The following MAMDC2 variants were observed in gnomAD, a reference collection of about 807,000 sequenced individuals.
MAMDC2 encodes the protein MAM domain containing 2, also known as MAM domain-containing protein 2.
MAMDC2 carries 57 observed loss-of-function variants against 89.8 expected under a neutral mutation model. That is an observed-to-expected ratio of 0.63 (90% CI 0.51 to 0.79). The LOEUF (loss-of-function observed/expected upper bound fraction) is 0.79. MAMDC2 is among the 30% of genes least tolerant of loss of function. MAMDC2 has a pLI of 0.00. For missense variants in MAMDC2, 800 were observed against 820.6 expected (o/e 0.97, Z 0.31); for synonymous variants, 313 against 293.4 (o/e 1.07, Z -0.68).
chr9:70,187,218 T>G (rs183990291), intron 11 of MAMDC2, among the ~76,000 whole-genome samples: 1 of 152,256 alleles, frequency 6.6e-6, no homozygotes, highest in Non-Finnish European at 1.5e-5. Context: ...TCCAATTATA[T>G]GTACATTAAA....
At chr9:70,076,954 G>A (rs1827545846) in intron 2 of MAMDC2, among the ~76,000 whole-genome samples, 1 of 152,166 alleles carries the variant, frequency 6.6e-6, no homozygotes, top group Non-Finnish European at 1.5e-5. Flanking sequence ...CTCCAGGAAG[G>A]CAGACCTTAG....
rs2117945790 is a variant in MAMDC2 at position 70,044,646 on chromosome 9, T to A, written c.97T>A (p.Cys33Ser). Residue 33 changes from cysteine to serine, a missense_variant, in exon 2 of 14, where the codon TGC (cysteine) becomes AGC (serine). Transcript: ENST00000377182. ...AGSCAFEEST[C>S]GFDSVLASLP... ...GTCCTGTGCCTTTGAAGAGAGCACT[T>A]GCGGCTTTGACTCCGTGTTGGCCTC... is the stretch of plus-strand genomic sequence containing the variant. 1 of 1,551,622 alleles carries A rather than the reference T, an allele frequency of 6.4e-7. No individual in the cohort carries two copies. The highest frequency in any genetic ancestry group is 2.4e-5 in the East Asian group (1 of 40,902).
intron 2 of MAMDC2, among the ~76,000 whole-genome samples, chr9:70,059,335 C>T (rs945201787): frequency 4.6e-5 from 7 of 152,244 alleles, no homozygotes; most frequent in African/African-American, 1.7e-4. Context: ...ACGAAGGTAC[C>T]CCTTACAAAT....
intron 9 of MAMDC2, among the ~76,000 whole-genome samples, chr9:70,144,292 TGA>T (rs2031324252): frequency 6.6e-6 from 1 of 152,168 alleles, no homozygotes. Context: ...GAACACAGGA[TGA>T]GGAAGCTCAT....
intron 2 of MAMDC2, among the ~76,000 whole-genome samples, chr9:70,090,206 C>T (rs1827860062): frequency 6.6e-6 from 1 of 152,032 alleles, no homozygotes; most frequent in East Asian, 1.9e-4. Flanking sequence ...GGCATGGTGG[C>T]TCACACCTGT....
intron 11 of MAMDC2, among the ~76,000 whole-genome samples, chr9:70,185,737 A>G (rs138275133): frequency 4.1e-4 from 62 of 151,602 alleles, no homozygotes; most frequent in Non-Finnish European, 7.2e-4. Flanking sequence ...CTCACACCAA[A>G]CTCCATCATC....
intron 2 of MAMDC2, among the ~76,000 whole-genome samples, chr9:70,054,450 C>T (rs983555414): frequency 6.6e-6 from 1 of 151,958 alleles, no homozygotes; most frequent in African/African-American, 2.4e-5. Flanking sequence ...ATCAGTGGGG[C>T]CCCATGCAGT....
chr9:70,184,708 A>C (rs967697078), intron 11 of MAMDC2, among the ~76,000 whole-genome samples: 1 of 151,790 alleles, frequency 6.6e-6, no homozygotes, highest in African/African-American at 2.4e-5. Flanking sequence ...CAGAGTTCTC[A>C]TGCTGTGTTT....
At chr9:70,129,438 G>A (rs186422213) in intron 6 of MAMDC2, among the ~76,000 whole-genome samples, 3 of 152,136 alleles carry the variant, frequency 2.0e-5, no homozygotes, top group African/African-American at 4.8e-5. Flanking sequence ...ACCCAGTCTC[G>A]GTATGTCTTT....
At chr9:70,052,208 C>T (rs980726647) in intron 2 of MAMDC2, among the ~76,000 whole-genome samples, 24 of 152,200 alleles carry the variant, frequency 1.6e-4, no homozygotes, top group African/African-American at 5.8e-4. Flanking sequence ...GAAGAAATGC[C>T]CTCGTCTTAA....
intron 11 of MAMDC2, among the ~76,000 whole-genome samples, chr9:70,189,843 T>C (rs893699795): frequency 2.6e-5 from 4 of 152,064 alleles, no homozygotes; most frequent in Non-Finnish European, 5.9e-5. Context: ...AGTTTAGTGA[T>C]TCTTTCTTCT....
intron 2 of MAMDC2, among the ~76,000 whole-genome samples, chr9:70,064,464 C>A (rs1397012117): frequency 6.6e-6 from 1 of 152,184 alleles, no homozygotes; most frequent in Non-Finnish European, 1.5e-5. Context: ...AAACTCCCTT[C>A]TTTTCCTCCA....
intron 2 of MAMDC2, chr9:70,086,573 T>C (rs1029092756): frequency 1.3e-5 from 2 of 152,160 alleles, no homozygotes; most frequent in African/African-American, 4.8e-5. Flanking sequence ...CACATTCCTT[T>C]TCCCAGCCCC....
At chr9:70,099,746 G>A (rs1482715698) in intron 2 of MAMDC2, among the ~76,000 whole-genome samples, 5 of 151,994 alleles carry the variant, frequency 3.3e-5, no homozygotes, top group South Asian at 2.1e-4. Flanking sequence ...AGGCCGAGGC[G>A]GGTGGATCAC....
intron 7 of MAMDC2, among the ~76,000 whole-genome samples, chr9:70,132,493 T>C (rs950519438): frequency 3.3e-5 from 5 of 151,832 alleles, no homozygotes; most frequent in Non-Finnish European, 7.4e-5. Flanking sequence ...TAATTTAATA[T>C]GATTTCAGAT....
Position 70,044,179 on chromosome 9 carries a change from T to A in MAMDC2, c.-19T>A. 1 of 1,613,628 alleles carries A rather than the reference T, an allele frequency of 6.2e-7. No homozygotes were observed. Among genetic ancestry groups the A allele is most frequent in the Non-Finnish European group, 8.5e-7 (1 of 1,179,900 alleles). On this transcript the variant is annotated 5_prime_UTR_variant, in exon 1 of 14. Transcript: ENST00000377182. ...GGCAACTTGCACCCCTTCCTAGTCATCCTCCCTGAAACGCGACCATGCTGT... is the reference window on the plus strand; with the variant it reads ...GGCAACTTGCACCCCTTCCTAGTCAACCTCCCTGAAACGCGACCATGCTGT...
chr9:70,163,952 CAA>C (rs34029718), intron 9 of MAMDC2, among the ~76,000 whole-genome samples: 10 of 70,046 alleles, frequency 1.4e-4, no homozygotes, highest in African/African-American at 1.2e-4. Context: ...GACTCTGTCT[CAA>C]AAAAAAAAAA....
chr9:70,177,966 CT>C (rs1344200666), intron 11 of MAMDC2, among the ~76,000 whole-genome samples: 1 of 152,144 alleles, frequency 6.6e-6, no homozygotes, highest in African/African-American at 2.4e-5. Context: ...AACATCTAAA[CT>C]TTTTCTGATC....
chr9:70,199,331 G>T (rs1393961021), intron 11 of MAMDC2, among the ~76,000 whole-genome samples: 2 of 147,072 alleles, frequency 1.4e-5, no homozygotes, highest in Admixed American at 1.4e-4. Context: ...ATAGTTTACT[G>T]AGAATGATGA....
Sources: allele counts gnomAD v4.1 joint callset (sites outside exome capture counted in the v4.1 genomes callset), GRCh38; gene constraint gnomAD v4.1.1; transcripts MANE v1.5; gene names NCBI Gene and HGNC (gene_info 2026-07-23, HGNC 2026-07-21).